Variants in AOAH observed in about 807,000 individuals in gnomAD.
AOAH encodes the protein acyloxyacyl hydrolase, also known as acyloxyacyl hydrolase (neutrophil).
Under a neutral mutation model 92.2 loss-of-function variants are expected in AOAH, and 64 were observed. That is an observed-to-expected ratio of 0.69 (90% CI 0.57 to 0.86). The LOEUF (loss-of-function observed/expected upper bound fraction) is 0.86. AOAH is among the 40% of genes least tolerant of loss of function. AOAH has a pLI of 0.00. For synonymous variants in AOAH, 263 were observed against 254.5 expected (o/e 1.03, Z -0.32); for missense variants, 656 against 694.6 (o/e 0.94, Z 0.62).
chr7:36,707,601 G>T (rs1273659524), intron 1 of AOAH, among the ~76,000 whole-genome samples: 1 of 152,100 alleles, frequency 6.6e-6, no homozygotes, highest in Non-Finnish European at 1.5e-5. Flanking sequence ...ATAAAAAGAA[G>T]TGCTGCGTGT....
chr7:36,568,284 C>T (rs114797756), intron 13 of AOAH, among the ~76,000 whole-genome samples: 77 of 152,276 alleles, frequency 5.1e-4, no homozygotes, highest in South Asian at 1.9e-3. Context: ...GTACAGGGAG[C>T]GGGAGATACC....
At chr7:36,639,905 C>T (rs1226559274) in intron 4 of AOAH, among the ~76,000 whole-genome samples, 2 of 152,160 alleles carry the variant, frequency 1.3e-5, no homozygotes, top group Admixed American at 6.5e-5. Context: ...GGCTGAATCC[C>T]TTTGAGAGAA....
chr7:36,716,402 G>A (rs1239494120), intron 1 of AOAH, among the ~76,000 whole-genome samples: 1 of 149,862 alleles, frequency 6.7e-6, no homozygotes, highest in Non-Finnish European at 1.5e-5. Flanking sequence ...AACCATTGTG[G>A]AAATCAGCGT....
chr7:36,710,096 G>A (rs1027763772), intron 1 of AOAH, among the ~76,000 whole-genome samples: 2 of 152,084 alleles, frequency 1.3e-5, no homozygotes, highest in Non-Finnish European at 1.5e-5. Context: ...GCCTCCTGAT[G>A]AACACATCTT....
At chr7:36,617,966 T>C (rs1792018692) in intron 10 of AOAH, among the ~76,000 whole-genome samples, 1 of 152,222 alleles carries the variant, frequency 6.6e-6, no homozygotes, top group Non-Finnish European at 1.5e-5. Flanking sequence ...GATTAAAAAC[T>C]TCAGTTATGA....
chr7:36,615,417 T>C (rs1463787567), intron 11 of AOAH, among the ~76,000 whole-genome samples: 2 of 152,234 alleles, frequency 1.3e-5, no homozygotes, highest in Non-Finnish European at 2.9e-5. Context: ...AGGGCACCTG[T>C]ACTTTTATTT....
intron 13 of AOAH, among the ~76,000 whole-genome samples, chr7:36,565,480 A>G (rs1787628271): frequency 1.3e-5 from 2 of 152,180 alleles, no homozygotes; most frequent in Non-Finnish European, 2.9e-5. Flanking sequence ...AAGTTGCAAA[A>G]GTAGAACAAA....
chr7:36,712,974 C>T (rs1460733206), intron 1 of AOAH, among the ~76,000 whole-genome samples: 9 of 152,138 alleles, frequency 5.9e-5, no homozygotes, highest in Non-Finnish European at 1.0e-4. Flanking sequence ...CAAATTCACA[C>T]ATAACAATAT....
At chr7:36,625,384 AT>A (rs1292425476) in intron 6 of AOAH, among the ~76,000 whole-genome samples, 3 of 152,122 alleles carry the variant, frequency 2.0e-5, no homozygotes, top group Non-Finnish European at 4.4e-5. Flanking sequence ...CCTGAGCCTC[AT>A]TTTTAAATCT....
rs190562070 is a variant in AOAH, at chr7:36,672,849, A to G, written c.290+1094T>C. On this transcript the variant is annotated intron_variant, in intron 3 of 20. Transcript: ENST00000617537. ...TTAAAACCAGAAAGCAATTAAACAT[A>G]TAATTTATGTGTAATAAATTATAAA... Among the ~76,000 whole-genome samples, 364 of 152,354 alleles carry G rather than the reference A, an allele frequency of 2.4e-3. 2 individuals carry two copies. Among genetic ancestry groups the G allele is most frequent in the South Asian group, 3.5e-3 (17 of 4,828 alleles).
chr7:36,649,606 G>A (rs750324508), intron 4 of AOAH, among the ~76,000 whole-genome samples: 10 of 152,186 alleles, frequency 6.6e-5, no homozygotes, highest in Admixed American at 3.3e-4. Context: ...GATAATGATC[G>A]GGATGTAAAC....
At chr7:36,626,718 T>A (rs1792687984) in intron 6 of AOAH, among the ~76,000 whole-genome samples, 1 of 152,182 alleles carries the variant, frequency 6.6e-6, no homozygotes, top group Non-Finnish European at 1.5e-5. Flanking sequence ...TATTGATTAT[T>A]TTACTAGAAT....
chr7:36,724,339 TCA>T lies in AOAH; in HGVS notation c.-193_-192del. ...AGTGAATAAAAGCACACATAAACAC[TCA>T]CAGACCCACAGCTTGCTCTTGTTGG... On this transcript the variant is annotated 5_prime_UTR_variant, in exon 1 of 21. Transcript: ENST00000617537. The T allele has an allele frequency of 1.9e-6, 1 of 514,662 alleles. No homozygotes were observed. The highest frequency in any genetic ancestry group is 3.4e-6 in the Non-Finnish European group (1 of 294,122). The allele number at this position is 514,662 out of a possible 1,614,324, so 31.9% of individuals were successfully genotyped here.
At chr7:36,656,004 T>C (rs1011909006) in intron 4 of AOAH, among the ~76,000 whole-genome samples, 2 of 152,108 alleles carry the variant, frequency 1.3e-5, no homozygotes, top group Non-Finnish European at 2.9e-5. Flanking sequence ...GGAGGAATAA[T>C]CCACCAAGTG....
intron 1 of AOAH, among the ~76,000 whole-genome samples, chr7:36,697,052 C>T (rs1214331742): frequency 2.0e-5 from 3 of 151,832 alleles, no homozygotes; most frequent in Admixed American, 1.3e-4. Context: ...TTTTATTAAA[C>T]TGAATAGAAT....
intron 19 of AOAH, 87 bp downstream of exon 19, chr7:36,530,331 G>A (rs985433379): frequency 1.2e-5 from 11 of 891,614 alleles, no homozygotes; most frequent in Non-Finnish European, 2.0e-5. Context: ...GCTGCCTGGT[G>A]GCTTATAAAA....
intron 2 of AOAH, among the ~76,000 whole-genome samples, chr7:36,682,175 G>C (rs149042445): frequency 6.6e-6 from 1 of 152,358 alleles, no homozygotes; most frequent in African/African-American, 2.4e-5. Context: ...CACCCACAAG[G>C]GACCCACTGG....
chr7:36,711,452 C>T (rs968259852), intron 1 of AOAH, among the ~76,000 whole-genome samples: 1 of 152,100 alleles, frequency 6.6e-6, no homozygotes, highest in Non-Finnish European at 1.5e-5. Flanking sequence ...GACCTTTCCC[C>T]AAAGTCACAG....
intron 11 of AOAH, chr7:36,598,032 C>G (rs550861684): frequency 6.6e-6 from 1 of 151,934 alleles, no homozygotes; most frequent in East Asian, 1.9e-4. Context: ...GAGGGGATGT[C>G]GAGAGGAGGG....
Sources: allele counts gnomAD v4.1 joint callset (sites outside exome capture counted in the v4.1 genomes callset), GRCh38; gene constraint gnomAD v4.1.1; transcripts MANE v1.5; gene names NCBI Gene and HGNC (gene_info 2026-07-23, HGNC 2026-07-21).